The following AFG2A variants were observed in gnomAD, a reference collection of about 807,000 sequenced individuals.
AFG2A encodes ATPase family gene 2 protein homolog A.
chr4:123,116,752 CAT>C, the AFG2A span, among the ~76,000 whole-genome samples: 3 of 152,128 alleles, frequency 2.0e-5, no homozygotes, highest in Non-Finnish European at 2.9e-5. Context: ...GCAATAAACA[CAT>C]AAACACAGTC....
the AFG2A span, among the ~76,000 whole-genome samples, chr4:123,061,405 G>T: frequency 3.3e-5 from 5 of 152,306 alleles, no homozygotes; most frequent in African/African-American, 1.2e-4. Context: ...GAACTCATTA[G>T]TTCCACATCG....
the AFG2A span, among the ~76,000 whole-genome samples, chr4:122,941,335 A>T: frequency 1.5e-4 from 22 of 151,382 alleles, no homozygotes; most frequent in Admixed American, 2.6e-4. Flanking sequence ...GTTCTCCTTG[A>T]AGAGGTCCTT....
At chr4:123,236,580 G>C in the AFG2A span, among the ~76,000 whole-genome samples, 1 of 152,152 alleles carries the variant, frequency 6.6e-6, no homozygotes, top group Non-Finnish European at 1.5e-5. Flanking sequence ...CAAAAATAGT[G>C]CATCTCATAG....
the AFG2A span, among the ~76,000 whole-genome samples, chr4:123,085,023 T>G: frequency 6.6e-6 from 1 of 152,192 alleles, no homozygotes; most frequent in Admixed American, 6.5e-5. Flanking sequence ...TGGAATTTTT[T>G]TTTTTTAGCT....
At chr4:123,178,507 T>C in the AFG2A span, among the ~76,000 whole-genome samples, 5 of 152,224 alleles carry the variant, frequency 3.3e-5, no homozygotes, top group African/African-American at 4.8e-5. Flanking sequence ...GAAAACATGT[T>C]ATGAAATCTG....
chr4:123,239,540 A>G, the AFG2A span, among the ~76,000 whole-genome samples: 2 of 152,174 alleles, frequency 1.3e-5, no homozygotes, highest in Non-Finnish European at 2.9e-5. Context: ...AACATTCTTA[A>G]AAGAATTTTC....
the AFG2A span, among the ~76,000 whole-genome samples, chr4:123,120,011 G>T: frequency 6.6e-6 from 1 of 152,034 alleles, no homozygotes; most frequent in African/African-American, 2.4e-5. Context: ...GGGGGAAGCT[G>T]CCCCCATGAT....
At chr4:122,973,470 T>C in the AFG2A span, among the ~76,000 whole-genome samples, 2 of 152,174 alleles carry the variant, frequency 1.3e-5, no homozygotes, top group African/African-American at 4.8e-5. Context: ...TTTCCTGTTT[T>C]TTTTTTCATT....
the AFG2A span, among the ~76,000 whole-genome samples, chr4:123,309,196 C>T: frequency 1.3e-5 from 2 of 152,196 alleles, no homozygotes; most frequent in African/African-American, 4.8e-5. Context: ...CAACGAGTGT[C>T]GTAGTCCATT....
At chr4:123,136,672 C>G in the AFG2A span, among the ~76,000 whole-genome samples, 1 of 149,772 alleles carries the variant, frequency 6.7e-6, no homozygotes, top group African/African-American at 2.5e-5. Flanking sequence ...AAAATTCCGT[C>G]TCAAAAAAAA....
At chr4:123,263,470 A>T in the AFG2A span, among the ~76,000 whole-genome samples, 1 of 152,212 alleles carries the variant, frequency 6.6e-6, no homozygotes, top group Non-Finnish European at 1.5e-5. Context: ...AAATAAACAA[A>T]TGGAGATTTT....
the AFG2A span, chr4:122,938,210 T>G: frequency 1.1e-5 from 18 of 1,610,810 alleles, no homozygotes; most frequent in Admixed American, 1.5e-4. Flanking sequence ...AAAAAAGAGT[T>G]GTGGCTTCAC....
the AFG2A span, among the ~76,000 whole-genome samples, chr4:123,064,916 TC>T: frequency 6.6e-6 from 1 of 152,180 alleles, no homozygotes; most frequent in Non-Finnish European, 1.5e-5. Context: ...GTGTATTAAC[TC>T]CTAATCGTTG....
the AFG2A span, among the ~76,000 whole-genome samples, chr4:123,217,070 A>G: frequency 6.6e-6 from 1 of 152,208 alleles, no homozygotes; most frequent in African/African-American, 2.4e-5. Flanking sequence ...AATTATTTTT[A>G]TTTTAAAAAC....
the AFG2A span, among the ~76,000 whole-genome samples, chr4:123,112,114 C>CTGAA: frequency 6.6e-6 from 1 of 152,136 alleles, no homozygotes; most frequent in South Asian, 2.1e-4. Context: ...GGCTGGCTGA[C>CTGAA]TGAATGAATG....
chr4:123,117,482 C>T, the AFG2A span, among the ~76,000 whole-genome samples: 1 of 148,772 alleles, frequency 6.7e-6, no homozygotes, highest in East Asian at 1.9e-4. Flanking sequence ...GTGGAGTTAG[C>T]ATACGAGATA....
At chr4:123,248,932 G>A in the AFG2A span, among the ~76,000 whole-genome samples, 35 of 152,208 alleles carry the variant, frequency 2.3e-4, 1 homozygote, top group African/African-American at 8.4e-4. Context: ...CACTATAATA[G>A]CATTTAATAC....
the AFG2A span, among the ~76,000 whole-genome samples, chr4:123,290,734 C>T: frequency 6.6e-6 from 1 of 152,144 alleles, no homozygotes; most frequent in Non-Finnish European, 1.5e-5. Context: ...GAGACTCATT[C>T]ACTATCACAA....
chr4:123,047,116 A>G, the AFG2A span, among the ~76,000 whole-genome samples: 1 of 152,182 alleles, frequency 6.6e-6, no homozygotes, highest in Non-Finnish European at 1.5e-5. Context: ...TAAACCCAGT[A>G]GTGGAATTGC....
Sources: gnomAD v4.1 joint callset for allele counts (sites outside exome capture counted in the v4.1 genomes callset) on GRCh38, gnomAD v4.1.1 for gene constraint, MANE v1.5 for transcripts, NCBI Gene and HGNC (gene_info 2026-07-23, HGNC 2026-07-21) for gene names.